GALNT13: variants seen among roughly 807,000 people sequenced by gnomAD.
GALNT13 encodes the protein UDP-GalNAc:polypeptide N-acetylgalactosaminyltransferase 13.
A neutral mutation model predicts 64.2 loss-of-function variants in GALNT13; 28 were observed. That is an observed-to-expected ratio of 0.44 (90% CI 0.32 to 0.60). The LOEUF (loss-of-function observed/expected upper bound fraction) is 0.60. Ranked by LOEUF, GALNT13 falls within the 20% of genes least tolerant of loss-of-function variation. GALNT13 has a pLI of 0.05. For synonymous variants in GALNT13, 214 were observed against 224.6 expected, an observed-to-expected ratio of 0.95 and a Z score of 0.42; for missense variants, 577 against 669.8, an observed-to-expected ratio of 0.86 and a Z score of 1.53.
chr2:153,237,564 T>C, the GALNT13 span, among the ~76,000 whole-genome samples: 167 of 152,066 alleles, frequency 1.1e-3, 1 homozygote, highest in South Asian at 7.7e-3. Context: ...CTACCAATAA[T>C]TGAGAACATG....
intron 3 of GALNT13, among the ~76,000 whole-genome samples, chr2:153,984,170 A>G (rs1488215563): frequency 1.3e-5 from 2 of 151,796 alleles, no homozygotes; most frequent in Non-Finnish European, 3.0e-5. Flanking sequence ...CAATAATATA[A>G]TCTGTTTTTG....
At chr2:153,709,986 G>T in the GALNT13 span, among the ~76,000 whole-genome samples, 1 of 152,058 alleles carries the variant, frequency 6.6e-6, no homozygotes, top group African/African-American at 2.4e-5. Context: ...CTGTGGGGTG[G>T]ACGCAATGTG....
the GALNT13 span, among the ~76,000 whole-genome samples, chr2:153,771,612 G>A: frequency 6.6e-6 from 1 of 152,154 alleles, no homozygotes; most frequent in Admixed American, 6.5e-5. Context: ...GTCCCTCTGT[G>A]AGACGGGAAG....
chr2:153,332,548 T>TC, the GALNT13 span, among the ~76,000 whole-genome samples: 1 of 151,792 alleles, frequency 6.6e-6, no homozygotes, highest in African/African-American at 2.4e-5. Flanking sequence ...TTTTTTTTTT[T>TC]TCTTTTCTTT....
intron 6 of GALNT13, among the ~76,000 whole-genome samples, chr2:154,244,232 T>G (rs1689653539): frequency 6.6e-6 from 1 of 152,208 alleles, no homozygotes. Flanking sequence ...TGAACCCTAT[T>G]GTCTTGACCT....
intron 3 of GALNT13, among the ~76,000 whole-genome samples, chr2:153,978,565 G>C (rs1026317947): frequency 2.0e-5 from 3 of 152,056 alleles, no homozygotes; most frequent in Non-Finnish European, 4.4e-5. Flanking sequence ...CATGAGATCT[G>C]ATGGGTTTAT....
chr2:153,266,142 T>C, the GALNT13 span, among the ~76,000 whole-genome samples: 1 of 152,216 alleles, frequency 6.6e-6, no homozygotes, highest in African/African-American at 2.4e-5. Flanking sequence ...TGTAGTCCGT[T>C]ACCAAGCCCA....
chr2:153,596,821 AAAT>A, the GALNT13 span, among the ~76,000 whole-genome samples: 1 of 152,078 alleles, frequency 6.6e-6, no homozygotes, highest in Admixed American at 6.6e-5. Context: ...ATCAGTGGGA[AAAT>A]AATAACATTC....
the GALNT13 span, among the ~76,000 whole-genome samples, chr2:153,751,580 G>A: frequency 6.6e-6 from 1 of 151,670 alleles, no homozygotes; most frequent in South Asian, 2.1e-4. Flanking sequence ...TCATTATATA[G>A]TGACCTTTCT....
chr2:153,640,374 G>T, the GALNT13 span, among the ~76,000 whole-genome samples: 1 of 152,092 alleles, frequency 6.6e-6, no homozygotes, highest in Admixed American at 6.6e-5. Context: ...TTTTGAGAAA[G>T]ATTTCATTGT....
Position 154,149,082 on chromosome 2 carries a change from T to A in GALNT13, c.311+8577T>A, listed in dbSNP as rs1195021605. Among the ~76,000 whole-genome samples, 25 of 152,330 alleles carry A rather than the reference T, an allele frequency of 1.6e-4. No homozygotes were observed. The South Asian group carries it at 5.2e-3, about 32-fold the overall frequency. ...TTAGGTCTAAAGTTTAAGTCTTTAA[T>A]CCATCTTGCATTAATTTTTGTATAA... On this transcript the variant is annotated intron_variant, in intron 4 of 12. Coordinates refer to ENST00000392825, the MANE Select transcript of GALNT13 (RefSeq NM_052917.4).
At chr2:154,225,183 T>TAGAC (rs1170665347) in intron 4 of GALNT13, among the ~76,000 whole-genome samples, 1 of 151,614 alleles carries the variant, frequency 6.6e-6, no homozygotes, top group African/African-American at 2.4e-5. Flanking sequence ...GATAGATAGA[T>TAGAC]AGATAGATAG....
At chr2:154,164,398 T>C (rs1268242793) in intron 4 of GALNT13, among the ~76,000 whole-genome samples, 2 of 152,134 alleles carry the variant, frequency 1.3e-5, no homozygotes, top group Non-Finnish European at 2.9e-5. Flanking sequence ...TTTGGAGTTA[T>C]AGCTTAAATT....
At chr2:153,566,347 C>CGTTTTGTTTT in the GALNT13 span, among the ~76,000 whole-genome samples, 211 of 76,394 alleles carry the variant, frequency 2.8e-3, 5 homozygotes, top group Middle Eastern at 0.011. Context: ...CTTCTAATCA[C>CGTTTTGTTTT]GTTTTTTTTT....
intron 2 of GALNT13, among the ~76,000 whole-genome samples, chr2:153,902,002 T>C (rs941394767): frequency 6.6e-6 from 1 of 152,140 alleles, no homozygotes; most frequent in African/African-American, 2.4e-5. Flanking sequence ...TATCTTCAGA[T>C]GTGTAGTGTT....
At chr2:153,514,286 G>C in the GALNT13 span, among the ~76,000 whole-genome samples, 1 of 151,878 alleles carries the variant, frequency 6.6e-6, no homozygotes, top group African/African-American at 2.4e-5. Flanking sequence ...ATTTATTTCG[G>C]TGACTATATT....
the GALNT13 span, among the ~76,000 whole-genome samples, chr2:153,344,519 C>G: frequency 6.6e-6 from 1 of 152,010 alleles, no homozygotes; most frequent in Non-Finnish European, 1.5e-5. Context: ...TGAGACGGAG[C>G]CTCATTCTGT....
chr2:153,403,710 C>T, the GALNT13 span, among the ~76,000 whole-genome samples: 2 of 152,194 alleles, frequency 1.3e-5, no homozygotes, highest in Non-Finnish European at 2.9e-5. Flanking sequence ...GTCCGTCACC[C>T]CTTTTTTTGA....
intron 3 of GALNT13, among the ~76,000 whole-genome samples, chr2:154,032,481 T>C (rs61518202): frequency 0.25 from 38,614 of 151,706 alleles, 6,864 homozygotes; most frequent in East Asian, 0.82. Flanking sequence ...AACACACCAA[T>C]ACCTCTCATG....
Sources: allele counts gnomAD v4.1 joint callset (sites outside exome capture counted in the v4.1 genomes callset), GRCh38; gene constraint gnomAD v4.1.1; transcripts MANE v1.5; gene names NCBI Gene and HGNC (gene_info 2026-07-23, HGNC 2026-07-21).